Variants in ZNF487 observed in about 807,000 individuals in gnomAD.
The protein encoded by ZNF487 is zinc finger protein 487.
ZNF487 carries 4 observed loss-of-function variants against 3.0 expected under a neutral mutation model. The ratio of observed to expected loss-of-function variants is 1.35; its 90% CI spans 0.66 to 3.08. The LOEUF is 3.08. ZNF487 is among the 30% of genes most tolerant of loss of function. ZNF487 has a pLI of 0.01. For missense variants in ZNF487, 146 were observed against 98.7 expected, an observed-to-expected ratio of 1.48 and a Z score of -2.03; for synonymous variants, 55 against 34.6, an observed-to-expected ratio of 1.59 and a Z score of -2.06.
At position 43,460,917 on chromosome 10, in the gene ZNF487, C is replaced by T. The variant is rs141152614; in HGVS notation, c.-93-14804C>T. Among the ~76,000 whole-genome samples the T allele has an allele frequency of 7.7e-3, 1,174 of 152,190 alleles. 8 individuals carry two copies. The highest frequency in any genetic ancestry group is 0.017 in the Middle Eastern group (5 of 294). On this transcript the variant is annotated intron_variant, in intron 1 of 3. Coordinates refer to ENST00000437590, the MANE Select transcript of ZNF487 (RefSeq NM_001355444.3). ...ATATTGGCCTGGCTGGTCTTGAACTCCTGGCCTCAAGTGATCTAACACCAC... is the reference window on the plus strand; with the variant it reads ...ATATTGGCCTGGCTGGTCTTGAACTTCTGGCCTCAAGTGATCTAACACCAC...
chr10:43,462,457 A>AT (rs36007890), intron 1 of ZNF487, among the ~76,000 whole-genome samples: 83,160 of 129,136 alleles, frequency 0.64, 28,264 homozygotes, highest in East Asian at 0.77. Flanking sequence ...TGTAGACAAC[A>AT]TTTTTTTTTT....
At chr10:43,496,227 A>G in the ZNF487 span, among the ~76,000 whole-genome samples, 144 of 152,220 alleles carry the variant, frequency 9.5e-4, 1 homozygote, top group Non-Finnish European at 1.8e-3. Flanking sequence ...GAGATGAATT[A>G]TTTTTTAGGG....
chr10:43,513,436 C>G, the ZNF487 span, among the ~76,000 whole-genome samples: 2 of 152,224 alleles, frequency 1.3e-5, no homozygotes, highest in African/African-American at 4.8e-5. Context: ...TTACAATAAT[C>G]CATGGTCATT....
chr10:43,493,120 C>T, the ZNF487 span, among the ~76,000 whole-genome samples: 1 of 152,138 alleles, frequency 6.6e-6, no homozygotes, highest in Non-Finnish European at 1.5e-5. Flanking sequence ...ATCCCAGCTA[C>T]TCAGGTGGCT....
chr10:43,479,976 TTTC>T (rs1388820918), intron 3 of ZNF487, among the ~76,000 whole-genome samples: 2,496 of 43,982 alleles, frequency 0.057, 69 homozygotes, highest in East Asian at 0.13. Context: ...CTTTCTTTTC[TTTC>T]TTTCCTTCTT....
the ZNF487 span, among the ~76,000 whole-genome samples, chr10:43,512,561 A>T: frequency 2.0e-5 from 3 of 152,178 alleles, no homozygotes; most frequent in Admixed American, 6.5e-5. Context: ...TCTGCAGAAG[A>T]TGGCAGGGCC....
the ZNF487 span, among the ~76,000 whole-genome samples, chr10:43,505,049 C>G: frequency 1.3e-5 from 2 of 152,032 alleles, no homozygotes; most frequent in Non-Finnish European, 2.9e-5. Context: ...TGCTGTGTTG[C>G]TCAAGCTGGA....
At chr10:43,502,290 C>A in the ZNF487 span, among the ~76,000 whole-genome samples, 61 of 152,058 alleles carry the variant, frequency 4.0e-4, no homozygotes, top group African/African-American at 1.4e-3. Flanking sequence ...GAACAGAAAA[C>A]CAAACACCGC....
chr10:43,498,941 CA>C, the ZNF487 span, among the ~76,000 whole-genome samples: 18,206 of 86,384 alleles, frequency 0.21, 2,334 homozygotes, highest in African/African-American at 0.45. Flanking sequence ...GACTCCGTCT[CA>C]AAAAAAAAAA....
chr10:43,470,583 C>T (rs1840870995), intron 1 of ZNF487, among the ~76,000 whole-genome samples: 1 of 152,176 alleles, frequency 6.6e-6, no homozygotes, highest in Middle Eastern at 3.4e-3. Flanking sequence ...ATGGGGTTCT[C>T]CATGTTGGTC....
At chr10:43,453,911 T>C (rs1840088028) in intron 1 of ZNF487, 1 of 152,160 alleles carries the variant, frequency 6.6e-6, no homozygotes, top group Non-Finnish European at 1.5e-5. Flanking sequence ...TATAATGCTC[T>C]CATGTTTTAT....
downstream of ZNF487, among the ~76,000 whole-genome samples, chr10:43,486,592 CA>C (rs1841473971): frequency 6.6e-6 from 1 of 151,174 alleles, no homozygotes; most frequent in Non-Finnish European, 1.5e-5. Context: ...ATATTTTTGG[CA>C]AAAGCAATTA....
chr10:43,495,833 G>T, the ZNF487 span, among the ~76,000 whole-genome samples: 1 of 152,092 alleles, frequency 6.6e-6, no homozygotes, highest in Non-Finnish European at 1.5e-5. Flanking sequence ...TTAATACATG[G>T]TTAAGGTACT....
In ZNF487 at chr10:43,476,147, G is replaced by T. The variant is rs1429277381; in HGVS notation, c.75G>T (p.Glu25Asp). The T allele has an allele frequency of 1.4e-6, 1 of 717,518 alleles. No individual in the cohort carries two copies. The highest frequency in any genetic ancestry group is 2.0e-5 in the Admixed American group (1 of 50,010). 44.4% of individuals were successfully genotyped at this position (717,518 alleles called of 1,614,324 possible). The change falls in exon 3 of 4, where the codon GAG becomes GAT. Residue 25 changes from glutamate (E) to aspartate (D), a missense_variant. Physicochemically the swap from Glu to Asp is conservative, Grantham distance 45 (BLOSUM62 2). Coordinates refer to ENST00000437590, the MANE Select transcript of ZNF487 (RefSeq NM_001355444.3). ...ITKPEVVCKL[E>D]HGQVLWILEE... ...AACCAGAGGTGGTTTGCAAGTTGGA[G>T]CATGGACAGGTGCTGTGGATATTAG...
At chr10:43,475,635 G>A (rs1356492198) in intron 1 of ZNF487, 86 bp from the exon 2 acceptor site, 1 of 725,024 alleles carries the variant, frequency 1.4e-6, no homozygotes, top group African/African-American at 1.7e-5. Context: ...TATCAACAGT[G>A]AACATGACAA....
the ZNF487 span, among the ~76,000 whole-genome samples, chr10:43,501,966 A>C: frequency 6.6e-6 from 1 of 152,166 alleles, no homozygotes; most frequent in African/African-American, 2.4e-5. Context: ...TAAATACTAC[A>C]ATGTGTGGCT....
the ZNF487 span, among the ~76,000 whole-genome samples, chr10:43,490,369 C>T: frequency 0.65 from 98,841 of 151,826 alleles, 33,977 homozygotes; most frequent in Non-Finnish European, 0.76. Context: ...ACAAAACAAA[C>T]AAAAAGAAAA....
At chr10:43,453,689 GTGAT>G (rs748577084) in intron 1 of ZNF487, 2 of 152,310 alleles carry the variant, frequency 1.3e-5, no homozygotes, top group East Asian at 3.9e-4. Flanking sequence ...CAGAAGTGAT[GTGAT>G]TGGTTACTGA....
chr10:43,441,158 G>A (rs966710539), intron 1 of ZNF487, among the ~76,000 whole-genome samples: 1 of 145,020 alleles, frequency 6.9e-6, no homozygotes, highest in African/African-American at 2.6e-5. Flanking sequence ...CAAAGTGCAG[G>A]TATTACAGGC....
Sources: allele counts gnomAD v4.1 joint callset (sites outside exome capture counted in the v4.1 genomes callset), GRCh38; gene constraint gnomAD v4.1.1; transcripts MANE v1.5; gene names NCBI Gene and HGNC (gene_info 2026-07-23, HGNC 2026-07-21).